The following TJP3 variants were observed in gnomAD, a reference collection of about 807,000 sequenced individuals.
TJP3 encodes tight junction protein ZO-3.
A neutral mutation model predicts 104.2 loss-of-function variants in TJP3; 85 were observed. The observed-to-expected ratio is 0.82, with a 90% CI of 0.68 to 0.98. The LOEUF is 0.98. TJP3 is among the 50% of genes least tolerant of loss of function. TJP3 has a pLI of 0.00. For synonymous variants in TJP3, 550 were observed against 550.6 expected (o/e 1.00, Z 0.02); for missense variants, 1,367 against 1,322.8 (o/e 1.03, Z -0.52).
chr19:3,710,283 C>G (rs1361154479), intron 1 of TJP3, among the ~76,000 whole-genome samples: 1 of 65,908 alleles, frequency 1.5e-5, no homozygotes. Flanking sequence ...CGGTCCGAAT[C>G]GGAGTCTGGT....
In TJP3 at chr19:3,730,168, C is replaced by T. The variant is rs1443144672; in HGVS notation, c.261+38C>T. The T allele has an allele frequency of 5.0e-6, 8 of 1,598,124 alleles. No homozygotes were observed. The Admixed American group carries it at 6.7e-5, about 13-fold the overall frequency. On this transcript the variant is annotated intron_variant, in intron 4 of 20. Transcript: ENST00000541714. This position sits in a 1 kb window ranked among gnomAD's most constrained non-coding sequence, Gnocchi z 7.3. ...CCCCTGGCATGGCCAGCATCTCTGA[C>T]CCCAGCCTGGGTCGTGCCGCTGTGG...
intron 3 of TJP3, 134 bp downstream of exon 3, chr19:3,728,847 G>C (rs2036634372): frequency 1.1e-6 from 1 of 901,160 alleles, no homozygotes; most frequent in South Asian, 1.6e-5. Flanking sequence ...GAGTTCAGGA[G>C]TTTGAGACCA....
At chr19:3,720,632 T>C (rs1206122156) in intron 1 of TJP3, among the ~76,000 whole-genome samples, 6 of 151,650 alleles carry the variant, frequency 4.0e-5, no homozygotes, top group Non-Finnish European at 8.8e-5. Context: ...TTTTTTTTTA[T>C]AGTAAGGAAT....
Position 3,728,409 on chromosome 19 carries a change from G to A in TJP3, c.-9-15G>A, listed in dbSNP as rs756607504. 9.9e-6 allele frequency: 16 copies of A among 1,613,872 alleles called. No homozygotes were observed. The highest frequency in any genetic ancestry group is 4.5e-5 in the East Asian group (2 of 44,886). On this transcript the variant is annotated splice_polypyrimidine_tract_variant and intron_variant, in intron 1 of 20. Transcript: ENST00000541714. ...GTGTGGCCTCATGCCCATCTTCCCC[G>A]CTCCCCTCGACCAGGTGGCTGACAT...
Position 3,740,568 on chromosome 19 carries a change from A to G in TJP3, c.1648A>G (p.Ser550Gly), listed in dbSNP as rs568154064. 3 of 1,492,172 alleles carry G rather than the reference A, an allele frequency of 2.0e-6. No homozygotes were observed. The highest frequency in any genetic ancestry group is 2.7e-6 in the Non-Finnish European group (3 of 1,121,836). 92.4% of individuals were successfully genotyped at this position (1,492,172 alleles called of 1,614,324 possible). Residue 550 changes from serine (S) to glycine (G), a missense_variant, in exon 14 of 21, where the codon AGC becomes GGC. Physicochemically the swap from Ser to Gly is moderately conservative, Grantham distance 56. Coordinates refer to ENST00000541714, the MANE Select transcript of TJP3 (RefSeq NM_001267560.2). ...PNQSRAEQLA[S>G]LEAAQRAVGV... ...TCTCCCCAGGGCGGAGCAGCTGGCC[A>G]GCCTGGAAGCTGCCCAGAGGGCCGT...
chr19:3,709,656 G>A (rs559682999), intron 1 of TJP3, among the ~76,000 whole-genome samples: 1 of 152,182 alleles, frequency 6.6e-6, no homozygotes, highest in African/African-American at 2.4e-5. Flanking sequence ...GGACAGAGCG[G>A]CCCGGCATTT....
rs1215976604 is a variant in TJP3 at position 3,708,431 on chromosome 19, GAA to G, written c.-137_-136del. 1 of 152,202 alleles carries G rather than the reference GAA, an allele frequency of 6.6e-6. No individual in the cohort carries two copies. The highest frequency in any genetic ancestry group is 1.5e-5 in the Non-Finnish European group (1 of 68,042). The allele number at this position is 152,202 out of a possible 1,614,324, so 9.4% of individuals were successfully genotyped here. ...CCTCCCTGTTGCCACCACAAGAGAG[GAA>G]AAGTTGGTCAAACAGGTGGGGAGGC... On this transcript the variant is annotated 5_prime_UTR_variant, in exon 1 of 21. Transcript: ENST00000541714.
At chr19:3,745,133 CTTTTTTT>C (rs549831017) in intron 15 of TJP3, among the ~76,000 whole-genome samples, 14 of 70,026 alleles carry the variant, frequency 2.0e-4, no homozygotes, top group South Asian at 1.2e-3. Flanking sequence ...AATTTTATGT[CTTTTTTT>C]TTTTTTTTTT....
chr19:3,718,213 G>C lies in TJP3; in HGVS notation c.-10+9652G>C, dbSNP rs1490601253. Among the ~76,000 whole-genome samples the C allele has an allele frequency of 1.8e-3, 57 of 31,140 alleles. 1 individual carries two copies. The highest frequency in any genetic ancestry group is 7.3e-3 in the African/African-American group (54 of 7,448). 20.4% of individuals were successfully genotyped at this position (31,140 alleles called of 152,430 possible). On this transcript the variant is annotated intron_variant, in intron 1 of 20. Coordinates refer to ENST00000541714, the MANE Select transcript of TJP3 (RefSeq NM_001267560.2). ...ACTCAAAAAAAAAAAAAAAAAAAAAGTGTGTGTGTGTGTGTGTGTGTGTGT... is the reference window on the plus strand; with the variant it reads ...ACTCAAAAAAAAAAAAAAAAAAAAACTGTGTGTGTGTGTGTGTGTGTGTGT...
rs1182813366 is a variant in TJP3 at position 3,718,227 on chromosome 19, G to GTGTC, written c.-10+9669_-10+9670insCTGT. Reference sequence around the variant, plus strand: ...AAAAAAAAAAAGTGTGTGTGTGTGTGTGTGTGTGTGTGTGTGTGTGTGTGT... The same window carrying GTGTC: ...AAAAAAAAAAAGTGTGTGTGTGTGTGTGTCTGTGTGTGTGTGTGTGTGTGTGTGT... On this transcript the variant is annotated intron_variant, in intron 1 of 20. Coordinates refer to ENST00000541714, the MANE Select transcript of TJP3 (RefSeq NM_001267560.2). Among the ~76,000 whole-genome samples, 126 of 94,012 alleles carry GTGTC rather than the reference G, an allele frequency of 1.3e-3. 1 individual carries two copies. The highest frequency in any genetic ancestry group is 2.1e-3 in the Non-Finnish European group (101 of 47,874). The allele number at this position is 94,012 out of a possible 152,430, so 61.7% of individuals were successfully genotyped here.
chr19:3,738,999 G>A lies in TJP3; in HGVS notation c.1496G>A (p.Gly499Asp), dbSNP rs2036775817. The A allele has an allele frequency of 1.9e-6, 3 of 1,613,108 alleles. No individual in the cohort carries two copies. The highest frequency in any genetic ancestry group is 2.7e-5 in the African/African-American group (2 of 74,944). The change falls in exon 13 of 21, where the codon GGC (glycine) becomes GAC (aspartate). Residue 499 changes from glycine (G) to aspartate (D), a missense_variant. Physicochemically the swap from Gly to Asp is moderately conservative, Grantham distance 94. Transcript: ENST00000541714. The stretch of plus-strand genomic sequence containing the variant: ...CCGTCTGGCCTGGGCTTCACCCGTG[G>A]CGACGTCTTCCACGTGCTGGACACG... ...SPPSGLGFTR[G>D]DVFHVLDTLH...
At chr19:3,718,583 C>T (rs1006878070) in intron 1 of TJP3, among the ~76,000 whole-genome samples, 3 of 151,682 alleles carry the variant, frequency 2.0e-5, no homozygotes, top group African/African-American at 7.3e-5. Context: ...ATTCTCCTGC[C>T]TCAGCCTCCC....
chr19:3,717,373 T>C (rs2036489178), intron 1 of TJP3, among the ~76,000 whole-genome samples: 1 of 148,164 alleles, frequency 6.7e-6, no homozygotes, highest in Admixed American at 6.8e-5. Context: ...AAAGTGGGAT[T>C]ACAGGCGTGA....
chr19:3,733,760 G>T lies in TJP3; in HGVS notation c.725G>T (p.Gly242Val), dbSNP rs1199727287. The part of the protein sequence containing the change: ...QEGDLILQIN[G>V]VSSQNLSLND... Reference sequence around the variant, plus strand: ...ATTCCTGGTCCCTTTCAGATCAACGGGGTGTCTAGCCAGAACCTGTCACTG... The same window carrying T: ...ATTCCTGGTCCCTTTCAGATCAACGTGGTGTCTAGCCAGAACCTGTCACTG... Residue 242 changes from glycine to valine, a missense_variant, in exon 7 of 21, where the codon GGG (glycine) becomes GTG (valine). By Grantham distance (109) the Gly-to-Val change is moderately radical (BLOSUM62 -3). Transcript: ENST00000541714. 1.2e-6 allele frequency: 2 copies of T among 1,614,070 alleles called. No individual in the cohort carries two copies. The highest frequency in any genetic ancestry group is 1.7e-6 in the Non-Finnish European group (2 of 1,179,986).
intron 1 of TJP3, among the ~76,000 whole-genome samples, chr19:3,717,522 G>A (rs892984557): frequency 6.6e-6 from 1 of 151,276 alleles, no homozygotes; most frequent in African/African-American, 2.4e-5. Context: ...TGCAACCGCC[G>A]CCTCCCAGGG....
intron 14 of TJP3, among the ~76,000 whole-genome samples, chr19:3,741,344 C>T (rs2145698075): frequency 6.6e-6 from 1 of 152,250 alleles, no homozygotes; most frequent in South Asian, 2.1e-4. Flanking sequence ...GTGGTGCATA[C>T]CTATAGTCCC....
chr19:3,726,428 G>A (rs1398405571), intron 1 of TJP3, among the ~76,000 whole-genome samples: 7 of 151,972 alleles, frequency 4.6e-5, no homozygotes, highest in African/African-American at 7.2e-5. Context: ...TGAGACCCCC[G>A]TCTCTATTAA....
intron 1 of TJP3, among the ~76,000 whole-genome samples, chr19:3,718,700 C>T (rs1305013297): frequency 6.6e-6 from 1 of 151,314 alleles, no homozygotes. Context: ...AACTCCTGAC[C>T]TCAGGTGATC....
rs1393322006 is a variant in TJP3, at chr19:3,738,923, G to T, written c.1420G>T (p.Val474Leu). ...TTTCTGGAAAATGGTGCAGTCCCGC[G>T]TGGGTGACTCCTTCTACATCCGCAC... ...DIFWKMVQSR[V>L]GDSFYIRTHF... Residue 474 changes from valine to leucine, a missense_variant, in exon 13 of 21, where the codon GTG becomes TTG. By Grantham distance (32) the Val-to-Leu change is conservative (BLOSUM62 1). Coordinates refer to ENST00000541714, the MANE Select transcript of TJP3 (RefSeq NM_001267560.2). 1 of 1,609,404 alleles carries T rather than the reference G, an allele frequency of 6.2e-7. No individual in the cohort carries two copies.
Sources: allele counts gnomAD v4.1 joint callset (sites outside exome capture counted in the v4.1 genomes callset), GRCh38; gene constraint gnomAD v4.1.1; non-coding constraint Gnocchi (gnomAD v3.1); transcripts MANE v1.5; gene names NCBI Gene and HGNC (gene_info 2026-07-23, HGNC 2026-07-21).